Variants in MAGI2 observed in about 807,000 individuals in gnomAD.
MAGI2 encodes membrane associated guanylate kinase, WW and PDZ domain containing 2.
Under a neutral mutation model 133.3 loss-of-function variants are expected in MAGI2, and 35 were observed. The observed-to-expected ratio is 0.26, with a 90% CI of 0.20 to 0.35. MAGI2 has a LOEUF of 0.35. Ranked by LOEUF, MAGI2 falls within the 10% of genes least tolerant of loss-of-function variation. The pLI, the probability that MAGI2 is intolerant of heterozygous loss-of-function variation, is 1.00. For synonymous variants in MAGI2, 729 were observed against 710.6 expected, an observed-to-expected ratio of 1.03 and a Z score of -0.41; for missense variants, 1,636 against 1,863.4, an observed-to-expected ratio of 0.88 and a Z score of 2.25.
At chr7:78,675,388 A>T (rs1814905468) in intron 2 of MAGI2, among the ~76,000 whole-genome samples, 2 of 152,034 alleles carry the variant, frequency 1.3e-5, no homozygotes, top group Non-Finnish European at 2.9e-5. Context: ...AAGCAGAGGT[A>T]AGAGGAGGAA....
intron 9 of MAGI2, among the ~76,000 whole-genome samples, chr7:78,305,350 CGTT>C (rs1562792449): frequency 6.6e-6 from 1 of 152,146 alleles, no homozygotes; most frequent in Non-Finnish European, 1.5e-5. Flanking sequence ...TCTGTACTGT[CGTT>C]GCTGCTCAAC....
chr7:78,315,283 T>C (rs1411938971), intron 9 of MAGI2, among the ~76,000 whole-genome samples: 8 of 152,172 alleles, frequency 5.3e-5, no homozygotes, highest in Admixed American at 5.2e-4. Context: ...AGGACGTCTG[T>C]GGGCCAGAGG....
intron 9 of MAGI2, among the ~76,000 whole-genome samples, chr7:78,300,625 G>A (rs760860634): frequency 5.3e-5 from 8 of 152,154 alleles, no homozygotes; most frequent in Non-Finnish European, 7.4e-5. Flanking sequence ...GTTGATATGC[G>A]TAAGTTAATT....
At chr7:78,908,024 G>C (rs1488921226) in intron 2 of MAGI2, among the ~76,000 whole-genome samples, 16 of 152,166 alleles carry the variant, frequency 1.1e-4, no homozygotes, top group Non-Finnish European at 1.5e-5. Flanking sequence ...GAGGAGAGGA[G>C]ATGATGTCCT....
rs117522446 is a variant in MAGI2, at chr7:79,139,034, A to G, written c.302-131828T>C. 2.8e-3 allele frequency among the ~76,000 whole-genome samples: 419 copies of G among 152,008 alleles called. 2 individuals carry two copies. The highest frequency in any genetic ancestry group is 9.0e-3 in the Admixed American group (137 of 15,246). On this transcript the variant is annotated intron_variant, in intron 1 of 21. Transcript: ENST00000354212. ...ACACCTGGCATGTGTGTGTACAGAG[A>G]AAAGGCCATCTGGGAACACAGAAAG...
At chr7:78,048,954 A>AG (rs999498847) in intron 21 of MAGI2, among the ~76,000 whole-genome samples, 1 of 150,220 alleles carries the variant, frequency 6.7e-6, no homozygotes, top group African/African-American at 2.5e-5. Flanking sequence ...AAAATACAAA[A>AG]AAAATTAGCC....
chr7:79,453,156 C>G lies in MAGI2; in HGVS notation c.165G>C (p.Glu55Asp). The change falls in exon 1 of 22, where the codon GAG becomes GAC. Residue 55 changes from glutamate (E) to aspartate (D), a missense_variant. Physicochemically the swap from Glu to Asp is conservative, Grantham distance 45 (BLOSUM62 2). Around this residue, in one of 5 missense-constraint regions of MAGI2, gnomAD observed 148 missense variants for 239.0 expected, o/e 0.62. Transcript: ENST00000354212. ...GEVKPGKVAY[E>D]SGSKLVSEEL... ...CCTCCGACACCAATTTGCTGCCGCT[C>G]TCATAGGCCACCTTGCCGGGCTTCA... is the stretch of plus-strand genomic sequence containing the variant. 1 of 1,614,076 alleles carries G rather than the reference C, an allele frequency of 6.2e-7. No individual in the cohort carries two copies. The highest frequency in any genetic ancestry group is 8.5e-7 in the Non-Finnish European group (1 of 1,180,046).
At chr7:78,486,484 G>T (rs575948600) in intron 6 of MAGI2, 33 of 174,268 alleles carry the variant, frequency 1.9e-4, no homozygotes, top group Middle Eastern at 8.6e-4. Flanking sequence ...AAAAGAAGAA[G>T]AATATTTTGT....
chr7:79,097,847 C>A (rs1451020416), intron 1 of MAGI2, among the ~76,000 whole-genome samples: 2 of 152,130 alleles, frequency 1.3e-5, no homozygotes, highest in Admixed American at 1.3e-4. Flanking sequence ...GTGGGCCAGG[C>A]GTGGTGGCTT....
intron 1 of MAGI2, among the ~76,000 whole-genome samples, chr7:79,279,972 A>G (rs1430798261): frequency 6.6e-6 from 1 of 152,230 alleles, no homozygotes; most frequent in Admixed American, 6.5e-5. Flanking sequence ...ATATATTTCT[A>G]TCTGTAGTCT....
At chr7:79,322,444 C>T (rs937072292) in intron 1 of MAGI2, among the ~76,000 whole-genome samples, 2 of 151,876 alleles carry the variant, frequency 1.3e-5, no homozygotes, top group Non-Finnish European at 2.9e-5. Context: ...CAACTGTTGC[C>T]ACTGTGTGAT....
At chr7:78,237,601 CA>C (rs1386286004) in intron 10 of MAGI2, among the ~76,000 whole-genome samples, 4 of 152,132 alleles carry the variant, frequency 2.6e-5, no homozygotes, top group Non-Finnish European at 4.4e-5. Flanking sequence ...CCACAAACAA[CA>C]ACATTTCATC....
chr7:79,113,913 T>C (rs1819164102), intron 1 of MAGI2, among the ~76,000 whole-genome samples: 1 of 152,142 alleles, frequency 6.6e-6, no homozygotes, highest in African/African-American at 2.4e-5. Context: ...TTATATTACC[T>C]TTCAGAGGCC....
At chr7:78,560,233 T>A (rs1800266765) in intron 3 of MAGI2, among the ~76,000 whole-genome samples, 1 of 152,162 alleles carries the variant, frequency 6.6e-6, no homozygotes, top group Non-Finnish European at 1.5e-5. Flanking sequence ...TAGATGGGGT[T>A]AGGACTATAC....
At chr7:79,287,705 T>C (rs1405860013) in intron 1 of MAGI2, among the ~76,000 whole-genome samples, 1 of 152,132 alleles carries the variant, frequency 6.6e-6, no homozygotes, top group African/African-American at 2.4e-5. Flanking sequence ...AAATAGGCAA[T>C]CAGTAAGTAG....
intron 1 of MAGI2, among the ~76,000 whole-genome samples, chr7:79,362,676 AAAAAG>A (rs1456984290): frequency 1.3e-5 from 2 of 152,084 alleles, no homozygotes; most frequent in Non-Finnish European, 2.9e-5. Flanking sequence ...CAACAAGCTA[AAAAAG>A]AAAACACGAT....
chr7:78,704,261 A>C (rs1818375071), intron 2 of MAGI2, among the ~76,000 whole-genome samples: 1 of 152,186 alleles, frequency 6.6e-6, no homozygotes, highest in South Asian at 2.1e-4. Flanking sequence ...AGCAAAAAAC[A>C]GGAACAGACA....
Position 79,213,058 on chromosome 7 carries a change from T to G in MAGI2, c.302-205852A>C, listed in dbSNP as rs117905297. On this transcript the variant is annotated intron_variant, in intron 1 of 21. Transcript: ENST00000354212. ...TTGATGTGAGTGAGAATAGCGGTAGTGAGGGCGGGTGGATCGAGGGGAGCA... is the reference window on the plus strand; with the variant it reads ...TTGATGTGAGTGAGAATAGCGGTAGGGAGGGCGGGTGGATCGAGGGGAGCA... Among the ~76,000 whole-genome samples the G allele has an allele frequency of 9.5e-4, 145 of 152,068 alleles. 4 individuals carry two copies. In the East Asian group the frequency reaches 0.027, roughly 29 times the overall value.
intron 16 of MAGI2, 194 bp downstream of exon 16, chr7:78,159,831 T>C (rs141754275): frequency 2.4e-4 from 125 of 523,390 alleles, no homozygotes; most frequent in African/African-American, 2.3e-3. Context: ...GTTCTTGCCT[T>C]CTTCTTGAGC....
Sources: allele counts gnomAD v4.1 joint callset (sites outside exome capture counted in the v4.1 genomes callset), GRCh38; gene constraint gnomAD v4.1.1; regional missense constraint gnomAD v4.1.1; transcripts MANE v1.5; gene names NCBI Gene and HGNC (gene_info 2026-07-23, HGNC 2026-07-21).